CELSR1: variants seen among roughly 807,000 people sequenced by gnomAD.
CELSR1 encodes the protein cadherin EGF LAG seven-pass G-type receptor 1.
In CELSR1, 110 loss-of-function variants were observed where a neutral mutation model predicts 249.1. The observed-to-expected ratio is 0.44, with a 90% CI of 0.38 to 0.52. CELSR1 has a LOEUF of 0.52. Among genes scored for constraint, CELSR1 ranks in the 20% least tolerant of loss-of-function variants. CELSR1 has a pLI of 0.00. For synonymous variants in CELSR1, 2,113 were observed against 1,900.0 expected (o/e 1.11, Z -2.92); for missense variants, 4,109 against 4,296.4 (o/e 0.96, Z 1.22).
In CELSR1 at chr22:46,364,542, C is replaced by G. The variant is rs1301199731; in HGVS notation, c.8749G>C (p.Ala2917Pro). The G allele has an allele frequency of 6.2e-7, 1 of 1,611,616 alleles. No homozygotes were observed. Among genetic ancestry groups the G allele is most frequent in the African/African-American group, 1.3e-5 (1 of 74,922 alleles). Residue 2917 changes from alanine to proline, a missense_variant, in exon 33 of 35, where the codon GCT (alanine) becomes CCT (proline). By Grantham distance (27) the Ala-to-Pro change is conservative. This residue lies in a region of CELSR1 where 1,805 missense variants were observed against 1,831.6 expected (regional missense o/e 0.99). Transcript: ENST00000674500. ...CTCTGCTCTGGGGGCTGGCTGCTAG[C>G]AAGCCTGGCTGCGCCCCCGCTCTCC... ...DQESGGAARL[A>P]SSQPPEQRKG...
rs368220756 is a variant in CELSR1, at chr22:46,436,327, C to T, written c.4407-38G>A. On this transcript the variant is annotated intron_variant, in intron 3 of 34. Transcript: ENST00000674500. The surrounding 1 kb of genome is among the most constrained non-coding windows in gnomAD (Gnocchi z 5.9). ...GCAGAGGCACATCACAGGATGAAGACCCCAGGGTCCAAAGGCTGCCTAGGA... is the reference window on the plus strand; with the variant it reads ...GCAGAGGCACATCACAGGATGAAGATCCCAGGGTCCAAAGGCTGCCTAGGA... 1 of 1,531,184 alleles carries T rather than the reference C, an allele frequency of 6.5e-7. No individual in the cohort carries two copies. Among genetic ancestry groups the T allele is most frequent in the Admixed American group, 1.7e-5 (1 of 59,250 alleles). 94.8% of individuals were successfully genotyped at this position (1,531,184 alleles called of 1,614,324 possible).
At position 46,367,059 on chromosome 22, in the gene CELSR1, C is replaced by A. The variant is rs1173978700; in HGVS notation, c.8139G>T (p.Lys2713Asn). 6.2e-7 allele frequency: 1 copy of A among 1,611,480 alleles called. No homozygotes were observed. Among genetic ancestry groups the A allele is most frequent in the Non-Finnish European group, 8.5e-7 (1 of 1,179,696 alleles). The stretch of plus-strand genomic sequence containing the variant: ...GCAGCTTCCTCCCGCCGAGCACGCC[C>A]TTCAGGTGCTTCCGGACCTCCTGGT... ...VLNQEVRKHL[K>N]GVLGGRKLHL... The change falls in exon 29 of 35, where the codon AAG becomes AAT. Residue 2713 changes from lysine to asparagine, a missense_variant. Physicochemically the swap from Lys to Asn is moderately conservative, Grantham distance 94. Coordinates refer to ENST00000674500, the MANE Select transcript of CELSR1 (RefSeq NM_001378328.1).
At chr22:46,392,949 C>T (rs1024881391) in intron 14 of CELSR1, among the ~76,000 whole-genome samples, 8 of 152,170 alleles carry the variant, frequency 5.3e-5, no homozygotes, top group African/African-American at 1.9e-4. Context: ...ATGCCACCAC[C>T]GCCATCTGGT....
At position 46,534,788 on chromosome 22, in the gene CELSR1, T is replaced by C. The variant is rs965647804; in HGVS notation, c.2383A>G (p.Thr795Ala). 2 of 1,613,192 alleles carry C rather than the reference T, an allele frequency of 1.2e-6. No homozygotes were observed. The highest frequency in any genetic ancestry group is 1.7e-6 in the Non-Finnish European group (2 of 1,180,000). ...GGCCTGTCCTCACTGACACTCACTGTGTAATGGGAGCTCTGAAAGACAGGC... is the reference window on the plus strand; with the variant it reads ...GGCCTGTCCTCACTGACACTCACTGCGTAATGGGAGCTCTGAAAGACAGGC... ...HRPVFQSSHY[T>A]VSVSEDRPVG... Residue 795 changes from threonine (T) to alanine (A), a missense_variant, in exon 1 of 35, where the codon ACA becomes GCA. Thr to Ala is a moderately conservative substitution (Grantham distance 58). This residue lies in a region of CELSR1 where 886 missense variants were observed against 896.5 expected (regional missense o/e 0.99). Transcript: ENST00000674500. This position sits in a 1 kb window ranked among gnomAD's most constrained non-coding sequence, Gnocchi z 9.7.
In CELSR1 at chr22:46,448,708, G is replaced by T. The variant is rs1274194854; in HGVS notation, c.4184-9297C>A. The T allele has an allele frequency of 3.2e-6, 1 of 307,946 alleles. No individual in the cohort carries two copies. The highest frequency in any genetic ancestry group is 2.2e-5 in the African/African-American group (1 of 45,146). The allele number at this position is 307,946 out of a possible 1,614,324, so 19.1% of individuals were successfully genotyped here. On this transcript the variant is annotated intron_variant, in intron 2 of 34. Coordinates refer to ENST00000674500, the MANE Select transcript of CELSR1 (RefSeq NM_001378328.1). This position sits in a 1 kb window ranked among gnomAD's most constrained non-coding sequence, Gnocchi z 5.7. ...CAGAGAACAAGGAGTGAGTGGAAGG[G>T]CCCGGGAACAGGAACACAGGGCAAT...
intron 9 of CELSR1, among the ~76,000 whole-genome samples, chr22:46,405,309 A>G (rs891984415): frequency 6.6e-6 from 1 of 151,418 alleles, no homozygotes; most frequent in Non-Finnish European, 1.5e-5. Context: ...AAATACAAAA[A>G]ATTAGCCAGG....
In CELSR1 at chr22:46,399,658, G is replaced by C; in HGVS notation, c.5412+59C>G. On this transcript the variant is annotated intron_variant, in intron 10 of 34. Coordinates refer to ENST00000674500, the MANE Select transcript of CELSR1 (RefSeq NM_001378328.1). This position sits in a 1 kb window ranked among gnomAD's most constrained non-coding sequence, Gnocchi z 5.0. ...TCCTGGCACGTCAAGGGGTCATTCT[G>C]TTTTTCCCTGGGCCGGAGGAAGGGT... 6.4e-7 allele frequency: 1 copy of C among 1,565,888 alleles called. No homozygotes were observed. The highest frequency in any genetic ancestry group is 8.8e-7 in the Non-Finnish European group (1 of 1,139,852).
Position 46,446,443 on chromosome 22 carries a change from T to C in CELSR1, c.4184-7032A>G, listed in dbSNP as rs1390739428. On this transcript the variant is annotated intron_variant, in intron 2 of 34. Coordinates refer to ENST00000674500, the MANE Select transcript of CELSR1 (RefSeq NM_001378328.1). The surrounding 1 kb of genome is among the most constrained non-coding windows in gnomAD (Gnocchi z 5.5). ...CCACCAGCTCCACATCCAGCCCTGC[T>C]TGTGCGATGGTTCCCCCGTGTGTTT... Among the ~76,000 whole-genome samples the C allele has an allele frequency of 1.3e-5, 2 of 152,142 alleles. No individual in the cohort carries two copies. Among genetic ancestry groups the C allele is most frequent in the African/African-American group, 4.8e-5 (2 of 41,428 alleles).
intron 1 of CELSR1, among the ~76,000 whole-genome samples, chr22:46,496,028 T>C (rs1377985069): frequency 1.3e-5 from 2 of 150,916 alleles, no homozygotes; most frequent in African/African-American, 4.9e-5. Flanking sequence ...ACCCTGTCTC[T>C]ACTAAAAATA....
chr22:46,500,109 A>C lies in CELSR1; in HGVS notation c.3544+33518T>G. On this transcript the variant is annotated intron_variant, in intron 1 of 34. Coordinates refer to ENST00000674500, the MANE Select transcript of CELSR1 (RefSeq NM_001378328.1). The surrounding 1 kb of genome is among the most constrained non-coding windows in gnomAD (Gnocchi z 4.9). ...TCCCACCCCAGCCCCTGATCCTCCC[A>C]GCATGATCCCACCCCAGCCCCTGGT... 7.2e-6 allele frequency among the ~76,000 whole-genome samples: 1 copy of C among 139,080 alleles called. No homozygotes were observed. The highest frequency in any genetic ancestry group is 2.9e-5 in the African/African-American group (1 of 34,576). 91.2% of individuals were successfully genotyped at this position (139,080 alleles called of 152,430 possible).
chr22:46,372,190 A>C, intron 25 of CELSR1, among the ~76,000 whole-genome samples: 3 of 127,160 alleles, frequency 2.4e-5, no homozygotes, highest in South Asian at 2.6e-4. Flanking sequence ...CCATCCATCT[A>C]CTCACTCACC....
intron 2 of CELSR1, 135 bp downstream of exon 2, chr22:46,463,572 A>G: frequency 1.2e-6 from 1 of 861,766 alleles, no homozygotes; most frequent in Non-Finnish European, 1.6e-6. Context: ...AGGTTCGTGG[A>G]GCCCACACCT....
rs140477285 is a variant in CELSR1, at chr22:46,471,997, C to T, written c.3545-7652G>A. Among the ~76,000 whole-genome samples, 717 of 152,168 alleles carry T rather than the reference C, an allele frequency of 4.7e-3. 8 individuals carry two copies. The highest frequency in any genetic ancestry group is 0.016 in the African/African-American group (682 of 41,514). On this transcript the variant is annotated intron_variant, in intron 1 of 34. Transcript: ENST00000674500. This position sits in a 1 kb window ranked among gnomAD's most constrained non-coding sequence, Gnocchi z 4.9. ...TCACAGTTTGGGGTCTGCTTGATTC[C>T]GGGAGGCACGGCACCCACCCAGCAC...
At position 46,473,709 on chromosome 22, in the gene CELSR1, G is replaced by C. The variant is rs538656098; in HGVS notation, c.3545-9364C>G. Reference sequence around the variant, plus strand: ...CACAGGGTGCGTGCCTGTCCTTCCCGAGGCCTTCACAGCAGGCAGGGAGGG... The same window carrying C: ...CACAGGGTGCGTGCCTGTCCTTCCCCAGGCCTTCACAGCAGGCAGGGAGGG... On this transcript the variant is annotated intron_variant, in intron 1 of 34. Coordinates refer to ENST00000674500, the MANE Select transcript of CELSR1 (RefSeq NM_001378328.1). This position sits in a 1 kb window ranked among gnomAD's most constrained non-coding sequence, Gnocchi z 6.6. Among the ~76,000 whole-genome samples, 1 of 152,172 alleles carries C rather than the reference G, an allele frequency of 6.6e-6. No homozygotes were observed. The highest frequency in any genetic ancestry group is 1.5e-5 in the Non-Finnish European group (1 of 68,024).
At chr22:46,460,969 C>T (rs762645164) in intron 2 of CELSR1, among the ~76,000 whole-genome samples, 3 of 152,164 alleles carry the variant, frequency 2.0e-5, no homozygotes, top group Non-Finnish European at 4.4e-5. Flanking sequence ...TCTCCTGTCC[C>T]GCAACACAAG....
In CELSR1 at chr22:46,437,088, T is replaced by A. The variant is rs2079671442; in HGVS notation, c.4407-799A>T. Among the ~76,000 whole-genome samples the A allele has an allele frequency of 6.6e-6, 1 of 152,080 alleles. No homozygotes were observed. The highest frequency in any genetic ancestry group is 2.4e-5 in the African/African-American group (1 of 41,408). On this transcript the variant is annotated intron_variant, in intron 3 of 34. Coordinates refer to ENST00000674500, the MANE Select transcript of CELSR1 (RefSeq NM_001378328.1). This position sits in a 1 kb window ranked among gnomAD's most constrained non-coding sequence, Gnocchi z 4.9. ...GCTTAATATGGGCTGTTTGAATAAA[T>A]GAAAGGAAGAGGCATGAACAGACGC...
Position 46,464,314 on chromosome 22 carries a change from G to A in CELSR1, c.3576C>T (p.Thr1192=), listed in dbSNP as rs1470842912. ...DGIHSVTAFC[T]LRVTIITDDM... ...CGTCCGTGATGATGGTGACACGCAG[G>A]GTGCAGAAGGCCGTGACGCTGTGGA... Residue 1192 remains threonine, a synonymous_variant, in exon 2 of 35, where the codon ACC becomes ACT. Coordinates refer to ENST00000674500, the MANE Select transcript of CELSR1 (RefSeq NM_001378328.1). This position sits in a 1 kb window ranked among gnomAD's most constrained non-coding sequence, Gnocchi z 8.5. 7 of 1,612,490 alleles carry A rather than the reference G, an allele frequency of 4.3e-6. No homozygotes were observed. Among genetic ancestry groups the A allele is most frequent in the Middle Eastern group, 1.7e-4 (1 of 5,868 alleles).
intron 13 of CELSR1, among the ~76,000 whole-genome samples, chr22:46,394,463 T>C (rs116467161): frequency 0.014 from 2,105 of 152,138 alleles, 57 homozygotes; most frequent in African/African-American, 0.049. Flanking sequence ...AGATCCACCA[T>C]GCCCAAAGCG....
In CELSR1 at chr22:46,384,524, G is replaced by C; in HGVS notation, c.6883+19C>G. The stretch of plus-strand genomic sequence containing the variant: ...GCTGGGGACTCCGAGGGCAGCAGCA[G>C]GTTTCTAAGCGGTTTTACCTTTTTC... On this transcript the variant is annotated intron_variant, in intron 20 of 34. Transcript: ENST00000674500. 1 of 1,579,264 alleles carries C rather than the reference G, an allele frequency of 6.3e-7. No individual in the cohort carries two copies.
Sources: gnomAD v4.1 joint callset for allele counts (sites outside exome capture counted in the v4.1 genomes callset) on GRCh38, gnomAD v4.1.1 for gene constraint, gnomAD v4.1.1 regional missense constraint, Gnocchi (gnomAD v3.1) non-coding constraint, MANE v1.5 for transcripts, NCBI Gene and HGNC (gene_info 2026-07-23, HGNC 2026-07-21) for gene names.